Variants in SLC11A2 observed in about 807,000 individuals in gnomAD.
The protein encoded by SLC11A2 is natural resistance-associated macrophage protein 2.
SLC11A2 carries 38 observed loss-of-function variants against 68.0 expected under a neutral mutation model. The ratio of observed to expected loss-of-function variants is 0.56; its 90% CI spans 0.43 to 0.73. The LOEUF is 0.73. Ranked by LOEUF, SLC11A2 falls within the 30% of genes least tolerant of loss-of-function variation. The pLI is 0.00. For missense variants in SLC11A2, 517 were observed against 690.5 expected, an observed-to-expected ratio of 0.75 and a Z score of 2.82; for synonymous variants, 242 against 250.6, an observed-to-expected ratio of 0.97 and a Z score of 0.32.
chr12:50,990,678 G>A (rs925193880), intron 15 of SLC11A2, 117 bp downstream of exon 15: 5 of 1,041,424 alleles, frequency 4.8e-6, no homozygotes, highest in Non-Finnish European at 7.2e-6. Flanking sequence ...CCAAAGTACT[G>A]GGATTATAGG....
intron 1 of SLC11A2, among the ~76,000 whole-genome samples, chr12:51,019,535 G>A (rs939688520): frequency 1.3e-5 from 2 of 151,768 alleles, no homozygotes; most frequent in Non-Finnish European, 2.9e-5. Flanking sequence ...TAATGAGGAA[G>A]GTTATTAATC....
chr12:50,967,934 A>G, the SLC11A2 span, among the ~76,000 whole-genome samples: 1 of 152,160 alleles, frequency 6.6e-6, no homozygotes, highest in Non-Finnish European at 1.5e-5. Context: ...CAAAAAATTA[A>G]AAAGTTAGCC....
chr12:50,969,882 G>A, the SLC11A2 span, among the ~76,000 whole-genome samples: 215 of 152,196 alleles, frequency 1.4e-3, 1 homozygote, highest in African/African-American at 5.0e-3. Flanking sequence ...GCTTTTGGGT[G>A]AGAACATTTG....
At chr12:50,953,939 A>G in the SLC11A2 span, 1 of 1,039,788 alleles carries the variant, frequency 9.6e-7, no homozygotes. Context: ...GAGGAAAAAC[A>G]AATTATTTTT....
At position 50,988,447 on chromosome 12, in the gene SLC11A2, A is replaced by G. The variant is rs758777328; in HGVS notation, c.1576-12T>C. On this transcript the variant is annotated splice_polypyrimidine_tract_variant and intron_variant, in intron 15 of 15. Transcript: ENST00000262052. ...AAACATTGCCAACCCTGAAAGACAA[A>G]ATATGGTCATCACTCACCAGGCTCT... 2.3e-5 allele frequency: 37 copies of G among 1,613,784 alleles called. No homozygotes were observed. Among genetic ancestry groups the G allele is most frequent in the Non-Finnish European group, 2.9e-5 (34 of 1,179,876 alleles).
chr12:51,017,665 T>A (rs1943754728), intron 1 of SLC11A2, among the ~76,000 whole-genome samples: 1 of 152,224 alleles, frequency 6.6e-6, no homozygotes. Context: ...ACAAACATTT[T>A]AGGGATGTTC....
At chr12:50,982,756 C>G (rs1025923218), downstream of SLC11A2, among the ~76,000 whole-genome samples, 6 of 151,962 alleles carry the variant, frequency 3.9e-5, no homozygotes, top group African/African-American at 1.5e-4. Context: ...CCAGCCTGAC[C>G]AACATGGCGA....
chr12:50,988,315 T>C lies in SLC11A2; in HGVS notation c.*10A>G, dbSNP rs903163485. 1.2e-6 allele frequency: 2 copies of C among 1,613,812 alleles called. No individual in the cohort carries two copies. Among genetic ancestry groups the C allele is most frequent in the African/African-American group, 2.7e-5 (2 of 74,926 alleles). On this transcript the variant is annotated 3_prime_UTR_variant, in exon 16 of 16. Coordinates refer to ENST00000262052, the MANE Select transcript of SLC11A2 (RefSeq NM_000617.3). ...TGATGGCTACCTGCAGAAGACAGACTAATCCAGTGTTATTTAACGTAGCCA... is the reference window on the plus strand; with the variant it reads ...TGATGGCTACCTGCAGAAGACAGACCAATCCAGTGTTATTTAACGTAGCCA...
chr12:51,004,870 A>G lies in SLC11A2; in HGVS notation c.347T>C (p.Leu116Pro), dbSNP rs776619612. Residue 116 changes from leucine to proline, a missense_variant, in exon 5 of 16, where the codon CTG becomes CCG. Leu to Pro is a moderately conservative substitution (Grantham distance 98, BLOSUM62 -3). Transcript: ENST00000262052. ...TCTAGCTGCAAGCCGCTGGAGCAGC[A>G]GCCCCACAAGGGTGGCCAACAGAAG... is the stretch of plus-strand genomic sequence containing the variant. ...WILLLATLVG[L>P]LLQRLAARLG... is the part of the protein sequence containing the mutation. The G allele has an allele frequency of 6.2e-7, 1 of 1,614,138 alleles. No individual in the cohort carries two copies. The highest frequency in any genetic ancestry group is 8.5e-7 in the Non-Finnish European group (1 of 1,179,970).
chr12:50,995,719 G>T lies in SLC11A2; in HGVS notation c.900C>A (p.Ser300=). The change falls in exon 10 of 16, where the codon TCC becomes TCA. Residue 300 remains serine (S), a synonymous_variant. Transcript: ENST00000262052. ...REANKYFFIE[S]CIALFVSFII... ...TGAAGGAAACAAAGAGTGCAATGCA[G>T]GATTCAATGAAAAAGTACTTATTGG... 1.2e-6 allele frequency: 2 copies of T among 1,613,920 alleles called. No homozygotes were observed. Among genetic ancestry groups the T allele is most frequent in the Non-Finnish European group, 8.5e-7 (1 of 1,179,828 alleles).
intron 1 of SLC11A2, among the ~76,000 whole-genome samples, chr12:51,013,830 A>AT (rs995486940): frequency 8.1e-4 from 121 of 150,116 alleles, no homozygotes; most frequent in African/African-American, 2.6e-3. Context: ...AAAAGTTTTT[A>AT]TTTTTTTTTG....
chr12:50,990,862 C>T lies in SLC11A2; in HGVS notation c.1508G>A (p.Gly503Glu). Residue 503 changes from glycine (G) to glutamate (E), a missense_variant, in exon 15 of 16, where the codon GGG becomes GAG. By Grantham distance (98) the Gly-to-Glu change is moderately conservative. Coordinates refer to ENST00000262052, the MANE Select transcript of SLC11A2 (RefSeq NM_000617.3). ...YFVVVYVRDL[G>E]HVALYVVAAV... ...AGCCACCACATATAATGCCACATGC[C>T]CTAGGTCCCGGACATAAACCACTAC... The T allele has an allele frequency of 6.2e-7, 1 of 1,614,054 alleles. No individual in the cohort carries two copies. Among genetic ancestry groups the T allele is most frequent in the Non-Finnish European group, 8.5e-7 (1 of 1,179,978 alleles).
At position 51,004,927 on chromosome 12, in the gene SLC11A2, C is replaced by T. The variant is rs1566014850; in HGVS notation, c.310-20G>A. On this transcript the variant is annotated intron_variant, in intron 4 of 15. Coordinates refer to ENST00000262052, the MANE Select transcript of SLC11A2 (RefSeq NM_000617.3). Reference sequence around the variant, plus strand: ...GAGCAACTAAGAAGAACAAAATCTCCTGTAACACTCATTGAACAACTGAGT... The same window carrying T: ...GAGCAACTAAGAAGAACAAAATCTCTTGTAACACTCATTGAACAACTGAGT... The T allele has an allele frequency of 6.2e-7, 1 of 1,613,584 alleles. No homozygotes were observed. Among genetic ancestry groups the T allele is most frequent in the South Asian group, 1.1e-5 (1 of 90,928 alleles).
At chr12:50,952,722 C>T in the SLC11A2 span, among the ~76,000 whole-genome samples, 2 of 152,190 alleles carry the variant, frequency 1.3e-5, no homozygotes, top group Non-Finnish European at 2.9e-5. Context: ...CCAGGTGAGC[C>T]CGGCGGGCTC....
chr12:51,011,504 T>C (rs2136327532), intron 1 of SLC11A2, among the ~76,000 whole-genome samples: 1 of 151,780 alleles, frequency 6.6e-6, no homozygotes, highest in African/African-American at 2.4e-5. Flanking sequence ...GCCTCCAAAT[T>C]ATCCCAAGTG....
chr12:51,003,758 T>C (rs1258680450), intron 5 of SLC11A2, among the ~76,000 whole-genome samples: 2 of 129,250 alleles, frequency 1.5e-5, no homozygotes, highest in African/African-American at 6.0e-5. Flanking sequence ...CAATACCTCA[T>C]CTCCACAAAA....
chr12:51,028,284 G>T, upstream of SLC11A2: 6 of 1,360,358 alleles, frequency 4.4e-6, no homozygotes, highest in Non-Finnish European at 6.1e-6. Context: ...ATGAAGACAA[G>T]TGCGCCTCCC....
chr12:51,008,392 G>A lies in SLC11A2; in HGVS notation c.183+84C>T, dbSNP rs570314686. The A allele has an allele frequency of 1.3e-4, 146 of 1,137,602 alleles. 2 individuals carry two copies. The South Asian group carries it at 1.7e-3, about 13-fold the overall frequency. 70.5% of individuals were successfully genotyped at this position (1,137,602 alleles called of 1,614,324 possible). ...GCCAGCCAAAATTAAACCTGAGGCT[G>A]CTGAACTTGAGCCATCCAGCAGATC... On this transcript the variant is annotated intron_variant, in intron 3 of 15. Coordinates refer to ENST00000262052, the MANE Select transcript of SLC11A2 (RefSeq NM_000617.3).
downstream of SLC11A2, among the ~76,000 whole-genome samples, chr12:50,976,228 A>T (rs1263239294): frequency 6.6e-6 from 1 of 152,254 alleles, no homozygotes; most frequent in African/African-American, 2.4e-5. Flanking sequence ...ATGAACATTG[A>T]TGCAAAAATC....
Sources: allele counts gnomAD v4.1 joint callset (sites outside exome capture counted in the v4.1 genomes callset), GRCh38; gene constraint gnomAD v4.1.1; transcripts MANE v1.5; gene names NCBI Gene and HGNC (gene_info 2026-07-23, HGNC 2026-07-21).